The following SCGB2B2 variants were observed in gnomAD, a reference collection of about 807,000 sequenced individuals.
SCGB2B2 encodes the protein secretoglobin family 2B member 2.
A neutral mutation model predicts 7.6 loss-of-function variants in SCGB2B2; 11 were observed. The ratio of observed to expected loss-of-function variants is 1.45; its 90% CI spans 0.91 to 2.40. SCGB2B2 has a LOEUF of 2.40. Among genes scored for constraint, SCGB2B2 ranks in the 30% most tolerant of loss-of-function variants. The pLI, the probability that SCGB2B2 is intolerant of heterozygous loss-of-function variation, is 0.00. For synonymous variants in SCGB2B2, 50 were observed against 48.6 expected (o/e 1.03, Z -0.12); for missense variants, 104 against 115.4 (o/e 0.90, Z 0.45).
At chr19:34,622,788 T>C (rs1324175035) in intron 1 of SCGB2B2, among the ~76,000 whole-genome samples, 1 of 152,138 alleles carries the variant, frequency 6.6e-6, no homozygotes, top group African/African-American at 2.4e-5. Flanking sequence ...CTTCAGATAT[T>C]AGGGGCTGCC....
intron 1 of SCGB2B2, among the ~76,000 whole-genome samples, chr19:34,630,035 G>A (rs1280818591): frequency 6.6e-6 from 1 of 151,876 alleles, no homozygotes; most frequent in African/African-American, 2.4e-5. Flanking sequence ...TTTAATAAAT[G>A]GTACTGGGAA....
downstream of SCGB2B2, among the ~76,000 whole-genome samples, chr19:34,588,274 T>C (rs1462236067): frequency 1.3e-5 from 2 of 152,234 alleles, no homozygotes; most frequent in African/African-American, 4.8e-5. Flanking sequence ...TTTCCAGGAA[T>C]TTATACATTT....
intron 1 of SCGB2B2, chr19:34,646,667 T>G (rs2067022120): frequency 6.5e-6 from 1 of 152,780 alleles, no homozygotes; most frequent in African/African-American, 2.4e-5. Context: ...CAGCGATGAC[T>G]GCAAAGATGT....
intron 1 of SCGB2B2, among the ~76,000 whole-genome samples, chr19:34,669,642 C>T (rs1187041469): frequency 1.3e-5 from 2 of 149,068 alleles, no homozygotes; most frequent in Non-Finnish European, 3.0e-5. Flanking sequence ...GAGCTTAGTT[C>T]CTGATACACT....
At chr19:34,633,277 C>T (rs1205203628) in intron 1 of SCGB2B2, among the ~76,000 whole-genome samples, 2 of 152,180 alleles carry the variant, frequency 1.3e-5, no homozygotes, top group African/African-American at 4.8e-5. Context: ...ATGAAACACT[C>T]AGTCCTGTTA....
chr19:34,655,560 C>A (rs951508405), intron 1 of SCGB2B2, among the ~76,000 whole-genome samples: 2 of 151,280 alleles, frequency 1.3e-5, no homozygotes, highest in African/African-American at 2.5e-5. Flanking sequence ...TGTATTATGT[C>A]TCCCTAAAGT....
At chr19:34,589,175 G>A (rs117093062), downstream of SCGB2B2, among the ~76,000 whole-genome samples, 51 of 152,250 alleles carry the variant, frequency 3.3e-4, no homozygotes, top group East Asian at 8.7e-3. Flanking sequence ...ACACTTAGAC[G>A]TACTGCCCAC....
At chr19:34,603,361 A>G (rs976267633) in intron 1 of SCGB2B2, among the ~76,000 whole-genome samples, 1 of 152,188 alleles carries the variant, frequency 6.6e-6, no homozygotes, top group African/African-American at 2.4e-5. Context: ...AATATCTTAC[A>G]ACACTGGAGG....
At chr19:34,615,512 T>G (rs1337470124) in intron 1 of SCGB2B2, among the ~76,000 whole-genome samples, 1 of 151,954 alleles carries the variant, frequency 6.6e-6, no homozygotes, top group East Asian at 1.9e-4. Context: ...GTGACTTTTC[T>G]GATGCATTCC....
In SCGB2B2 at chr19:34,595,478, C is replaced by T. The variant is rs2065424444; in HGVS notation, c.-915G>A. ...ATAACTTTAACTTGTTGGAGAGTAGCTAGTAGGAGCGGCCTTGACTGGGAG... is the reference window on the plus strand; with the variant it reads ...ATAACTTTAACTTGTTGGAGAGTAGTTAGTAGGAGCGGCCTTGACTGGGAG... On this transcript the variant is annotated 5_prime_UTR_variant, in exon 2 of 4. It removes the in-frame stop codon of an upstream open reading frame in the 5' UTR. Transcript: ENST00000601241. 1 of 152,694 alleles carries T rather than the reference C, an allele frequency of 6.5e-6. No homozygotes were observed. Among genetic ancestry groups the T allele is most frequent in the Non-Finnish European group, 1.5e-5 (1 of 68,072 alleles). The allele number at this position is 152,694 out of a possible 1,614,324, so 9.5% of individuals were successfully genotyped here.
chr19:34,661,165 T>A (rs911121295), intron 1 of SCGB2B2, among the ~76,000 whole-genome samples: 1 of 152,062 alleles, frequency 6.6e-6, no homozygotes, highest in Non-Finnish European at 1.5e-5. Context: ...GGAGAAATAC[T>A]TAATGTAGGC....
intron 1 of SCGB2B2, among the ~76,000 whole-genome samples, chr19:34,614,932 G>A (rs1479623935): frequency 6.6e-6 from 1 of 152,212 alleles, no homozygotes; most frequent in African/African-American, 2.4e-5. Context: ...GTTTGTGACA[G>A]TGGTTGCTTA....
chr19:34,599,301 C>T (rs1192795356), intron 1 of SCGB2B2, among the ~76,000 whole-genome samples: 2 of 152,224 alleles, frequency 1.3e-5, no homozygotes, highest in South Asian at 4.1e-4. Context: ...AGGCAGGTCA[C>T]ATGGGTGCAG....
At chr19:34,626,846 G>C (rs923400099) in intron 1 of SCGB2B2, among the ~76,000 whole-genome samples, 6 of 152,136 alleles carry the variant, frequency 3.9e-5, no homozygotes, top group African/African-American at 9.7e-5. Flanking sequence ...AAATGTTAAG[G>C]GTAGCCAGAG....
At chr19:34,629,341 C>T (rs934766068) in intron 1 of SCGB2B2, among the ~76,000 whole-genome samples, 12 of 151,982 alleles carry the variant, frequency 7.9e-5, no homozygotes, top group Non-Finnish European at 1.5e-5. Flanking sequence ...CCCCTGTTTG[C>T]AGATGACATG....
chr19:34,613,346 C>T (rs10421032), intron 1 of SCGB2B2, among the ~76,000 whole-genome samples: 14,230 of 151,778 alleles, frequency 0.094, 787 homozygotes, highest in South Asian at 0.19. Context: ...TGATCTGTCC[C>T]CCTTGGCCTC....
At position 34,590,899 on chromosome 19, in the gene SCGB2B2, A is replaced by G. The variant is rs1315983621; in HGVS notation, c.*2656T>C. ...AATGCTTTTGCATCTCAAAGTATTT[A>G]TATCAATAACATGTTTGTCCAAATT... On this transcript the variant is annotated 3_prime_UTR_variant, in exon 4 of 4. Coordinates refer to ENST00000601241, the MANE Select transcript of SCGB2B2 (RefSeq NM_001025591.4). Among the ~76,000 whole-genome samples the G allele has an allele frequency of 2.6e-5, 4 of 152,222 alleles. No individual in the cohort carries two copies. The highest frequency in any genetic ancestry group is 9.6e-5 in the African/African-American group (4 of 41,462).
At chr19:34,587,319 TTTC>T (rs1304142119), downstream of SCGB2B2, among the ~76,000 whole-genome samples, 1 of 152,242 alleles carries the variant, frequency 6.6e-6, no homozygotes, top group Non-Finnish European at 1.5e-5. Flanking sequence ...TCTTGATTTC[TTTC>T]TTTTCTAGTT....
At chr19:34,593,966 C>T (rs2065367240) in intron 3 of SCGB2B2, among the ~76,000 whole-genome samples, 2 of 151,954 alleles carry the variant, frequency 1.3e-5, no homozygotes, top group South Asian at 4.2e-4. Context: ...TCTCCCCTTG[C>T]AGAGTTGCAG....
Sources: allele counts gnomAD v4.1 joint callset (sites outside exome capture counted in the v4.1 genomes callset), GRCh38; gene constraint gnomAD v4.1.1; transcripts MANE v1.5; gene names NCBI Gene and HGNC (gene_info 2026-07-23, HGNC 2026-07-21).